Variants in KCNB2 observed in about 807,000 individuals in gnomAD.
KCNB2 encodes the protein potassium voltage-gated channel subfamily B member 2, also known as delayed rectifier potassium channel protein.
Under a neutral mutation model 61.5 loss-of-function variants are expected in KCNB2, and 15 were observed. The ratio of observed to expected loss-of-function variants is 0.24; its 90% CI spans 0.16 to 0.38. The LOEUF is 0.38. KCNB2 is among the 10% of genes least tolerant of loss of function. The pLI, the probability that KCNB2 is intolerant of heterozygous loss-of-function variation, is 1.00. For synonymous variants in KCNB2, 457 were observed against 446.0 expected (o/e 1.02, Z -0.31); for missense variants, 828 against 1,125.2 (o/e 0.74, Z 3.78).
intron 2 of KCNB2, among the ~76,000 whole-genome samples, chr8:72,635,512 G>A (rs972177976): frequency 6.6e-6 from 1 of 152,150 alleles, no homozygotes; most frequent in African/African-American, 2.4e-5. Context: ...ATGAAGCCCA[G>A]TGTCGAATGA....
In KCNB2 at chr8:72,560,097, T is replaced by C. The variant is rs572328023; in HGVS notation, c.-93-7545T>C. On this transcript the variant is annotated intron_variant, in intron 1 of 2. Transcript: ENST00000523207. The stretch of plus-strand genomic sequence containing the variant: ...TAATACAGGCACATTACATATAATG[T>C]GTTTGATTATGGAGAAATAGGAACA... Among the ~76,000 whole-genome samples the C allele has an allele frequency of 3.9e-5, 6 of 152,316 alleles. No individual in the cohort carries two copies. The South Asian group carries it at 1.0e-3, about 26-fold the overall frequency.
At chr8:72,552,691 C>A (rs1339565792) in intron 1 of KCNB2, among the ~76,000 whole-genome samples, 1 of 152,166 alleles carries the variant, frequency 6.6e-6, no homozygotes, top group African/African-American at 2.4e-5. Context: ...CTAGGTACAT[C>A]CTATTGAAGG....
chr8:72,898,060 T>C (rs1397712526), intron 2 of KCNB2, among the ~76,000 whole-genome samples: 1 of 152,174 alleles, frequency 6.6e-6, no homozygotes, highest in Non-Finnish European at 1.5e-5. Flanking sequence ...AAATGGATTA[T>C]CTGTCTTTTG....
chr8:72,818,872 T>C (rs1423294347), intron 2 of KCNB2, among the ~76,000 whole-genome samples: 1 of 152,156 alleles, frequency 6.6e-6, no homozygotes, highest in Non-Finnish European at 1.5e-5. Context: ...TTCTTTTCCA[T>C]TCTGTCTGAG....
At chr8:72,882,379 G>A (rs1192611855) in intron 2 of KCNB2, among the ~76,000 whole-genome samples, 1 of 152,202 alleles carries the variant, frequency 6.6e-6, no homozygotes, top group African/African-American at 2.4e-5. Flanking sequence ...GAAGAAAAGG[G>A]AGAGTGTACA....
chr8:72,936,838 G>A lies in KCNB2; in HGVS notation c.1483G>A (p.Ala495Thr), dbSNP rs369194598. ...CCTGTCGCCAAGCCGGTGGAAGTGG[G>A]CCAGGAAGGCTCTGTCGGAAACAAG... The part of the protein sequence containing the change: ...NHLSPSRWKW[A>T]RKALSETSSN... Residue 495 changes from alanine (A) to threonine (T), a missense_variant, in exon 3 of 3, where the codon GCC (alanine) becomes ACC (threonine). Coordinates refer to ENST00000523207, the MANE Select transcript of KCNB2 (RefSeq NM_004770.3). The surrounding 1 kb of genome is among the most constrained non-coding windows in gnomAD (Gnocchi z 5.6). 3 of 1,613,982 alleles carry A rather than the reference G, an allele frequency of 1.9e-6. No homozygotes were observed. Among genetic ancestry groups the A allele is most frequent in the African/African-American group, 1.3e-5 (1 of 74,904 alleles).
intron 2 of KCNB2, among the ~76,000 whole-genome samples, chr8:72,910,074 C>T (rs1173936203): frequency 3.9e-5 from 6 of 152,164 alleles, no homozygotes; most frequent in East Asian, 3.9e-4. Flanking sequence ...TGGACTTTCA[C>T]GTCAGAGGAG....
At chr8:72,867,232 T>C (rs1805535390) in intron 2 of KCNB2, among the ~76,000 whole-genome samples, 3 of 152,250 alleles carry the variant, frequency 2.0e-5, no homozygotes, top group Non-Finnish European at 4.4e-5. Flanking sequence ...CCAAATACCA[T>C]ATTGTGAAGC....
intron 2 of KCNB2, among the ~76,000 whole-genome samples, chr8:72,686,050 A>G (rs554501419): frequency 1.3e-5 from 2 of 152,350 alleles, no homozygotes; most frequent in Admixed American, 1.3e-4. Flanking sequence ...TTGTATGAAA[A>G]CATAAGTTCA....
intron 2 of KCNB2, among the ~76,000 whole-genome samples, chr8:72,738,542 GAGCC>G (rs963015961): frequency 6.6e-6 from 1 of 152,156 alleles, no homozygotes; most frequent in Non-Finnish European, 1.5e-5. Flanking sequence ...CTATCCTTCA[GAGCC>G]AGCCCCGGCT....
intron 2 of KCNB2, among the ~76,000 whole-genome samples, chr8:72,816,163 T>G (rs1349205755): frequency 6.6e-6 from 1 of 152,138 alleles, no homozygotes; most frequent in Non-Finnish European, 1.5e-5. Flanking sequence ...GAAAATAGAT[T>G]TCCTTAAAGA....
chr8:72,758,208 G>A (rs75926208), intron 2 of KCNB2, among the ~76,000 whole-genome samples: 2,932 of 152,268 alleles, frequency 0.019, 78 homozygotes, highest in African/African-American at 0.066. Flanking sequence ...GAGAAGATTC[G>A]AAAAGGAAGT....
intron 2 of KCNB2, among the ~76,000 whole-genome samples, chr8:72,748,598 G>GTT (rs1255482826): frequency 2.3e-5 from 3 of 128,530 alleles, no homozygotes; most frequent in African/African-American, 9.1e-5. Context: ...ACTCACTTTG[G>GTT]TTTTTTTTTT....
intron 1 of KCNB2, among the ~76,000 whole-genome samples, chr8:72,554,367 C>G (rs1450214164): frequency 6.6e-6 from 1 of 152,004 alleles, no homozygotes; most frequent in African/African-American, 2.4e-5. Flanking sequence ...GGTCTTTTTC[C>G]ATTCTGACCA....
rs1189336093 is a variant in KCNB2, at chr8:72,561,727, A to ATATATATATG, written c.-93-5914_-93-5913insATATATATGT. Among the ~76,000 whole-genome samples, 44 of 35,258 alleles carry ATATATATATG rather than the reference A, an allele frequency of 1.2e-3. 3 individuals carry two copies. Among genetic ancestry groups the ATATATATATG allele is most frequent in the Admixed American group, 3.7e-3 (7 of 1,894 alleles). 23.1% of individuals were successfully genotyped at this position (35,258 alleles called of 152,430 possible). ...TATATATATATATATATATATATAT[A>ATATATATATG]TCTATATCTATATATATATGTATAT... On this transcript the variant is annotated intron_variant, in intron 1 of 2. Coordinates refer to ENST00000523207, the MANE Select transcript of KCNB2 (RefSeq NM_004770.3).
intron 1 of KCNB2, among the ~76,000 whole-genome samples, chr8:72,550,340 T>G (rs1165673569): frequency 6.6e-6 from 1 of 152,202 alleles, no homozygotes; most frequent in African/African-American, 2.4e-5. Flanking sequence ...CTAATATTTA[T>G]TAAACACTTT....
chr8:72,699,901 T>G (rs1807085709), intron 2 of KCNB2, among the ~76,000 whole-genome samples: 1 of 152,134 alleles, frequency 6.6e-6, no homozygotes, highest in Non-Finnish European at 1.5e-5. Context: ...GCATGTATGT[T>G]TATTGCAGCA....
At chr8:72,848,461 GAAT>G (rs1013773414) in intron 2 of KCNB2, among the ~76,000 whole-genome samples, 7 of 151,962 alleles carry the variant, frequency 4.6e-5, no homozygotes, top group East Asian at 1.9e-4. Context: ...TATTTGTAAA[GAAT>G]AATAATAAAT....
intron 1 of KCNB2, among the ~76,000 whole-genome samples, chr8:72,562,424 G>T (rs1806552083): frequency 6.6e-6 from 1 of 152,150 alleles, no homozygotes; most frequent in Admixed American, 6.5e-5. Context: ...AAACTCAAAT[G>T]TTTGTTGTTG....
Sources: allele counts gnomAD v4.1 joint callset (sites outside exome capture counted in the v4.1 genomes callset), GRCh38; gene constraint gnomAD v4.1.1; non-coding constraint Gnocchi (gnomAD v3.1); transcripts MANE v1.5; gene names NCBI Gene and HGNC (gene_info 2026-07-23, HGNC 2026-07-21).